SPATS1: variants seen among roughly 807,000 people sequenced by gnomAD.
SPATS1 encodes spermatogenesis associated serine rich 1.
A neutral mutation model predicts 33.6 loss-of-function variants in SPATS1; 23 were observed. The ratio of observed to expected loss-of-function variants is 0.68; its 90% CI spans 0.49 to 0.97. The LOEUF is 0.97. SPATS1 is among the 50% of genes least tolerant of loss of function. The pLI, the probability that SPATS1 is intolerant of heterozygous loss-of-function variation, is 0.00. For synonymous variants in SPATS1, 131 were observed against 125.6 expected, an observed-to-expected ratio of 1.04 and a Z score of -0.29; for missense variants, 327 against 361.0, an observed-to-expected ratio of 0.91 and a Z score of 0.76.
chr6:44,369,088 G>A (rs1290383511), intron 6 of SPATS1, among the ~76,000 whole-genome samples: 4 of 151,886 alleles, frequency 2.6e-5, no homozygotes, highest in Non-Finnish European at 5.9e-5. Flanking sequence ...AGTAGAGACG[G>A]GGTTTCACCA....
chr6:44,342,734 T>G lies in SPATS1; in HGVS notation c.-35T>G, dbSNP rs1485279858. On this transcript the variant is annotated 5_prime_UTR_variant, in exon 1 of 9. Transcript: ENST00000674044. ...GGTTCTCAGGCCTCGGCGTGCGGCG[T>G]GCGTTCGGCAGTTCAGTTGCCAGTT... The G allele has an allele frequency of 2.1e-6, 1 of 467,198 alleles. No homozygotes were observed. Among genetic ancestry groups the G allele is most frequent in the African/African-American group, 2.0e-5 (1 of 50,550 alleles). The allele number at this position is 467,198 out of a possible 1,614,324, so 28.9% of individuals were successfully genotyped here.
chr6:44,354,122 C>A lies in SPATS1; in HGVS notation c.287+1249C>A, dbSNP rs566052237. On this transcript the variant is annotated intron_variant, in intron 3 of 8. Transcript: ENST00000674044. ...ATCCCAGCACTTTGGGAGGTTGAGG[C>A]CAGGAGTTCGAGGCCAGCCAGGGCA... 6.6e-5 allele frequency among the ~76,000 whole-genome samples: 10 copies of A among 150,512 alleles called. 1 individual carries two copies. In the South Asian group the frequency reaches 2.1e-3, roughly 32 times the overall value.
rs1056751258 is a variant in SPATS1, at chr6:44,377,953, A to G, written c.*890A>G. On this transcript the variant is annotated 3_prime_UTR_variant, in exon 9 of 9. Transcript: ENST00000674044. ...GGAGGACAAACATTTAGACCATAGC[A>G]GTGAACTTTCATTGCTTTTGGTAAA... 2 of 152,230 alleles carry G rather than the reference A, an allele frequency of 1.3e-5. No individual in the cohort carries two copies. Among genetic ancestry groups the G allele is most frequent in the Non-Finnish European group, 2.9e-5 (2 of 68,032 alleles). 9.4% of individuals were successfully genotyped at this position (152,230 alleles called of 1,614,324 possible).
intron 7 of SPATS1, among the ~76,000 whole-genome samples, chr6:44,373,155 G>A (rs1789728586): frequency 6.6e-6 from 1 of 152,148 alleles, no homozygotes; most frequent in African/African-American, 2.4e-5. Context: ...CCAGAACTCT[G>A]CCCTGCAGCT....
At position 44,376,388 on chromosome 6, in the gene SPATS1, C is replaced by T; in HGVS notation, c.789C>T (p.Asn263=). The T allele has an allele frequency of 6.2e-7, 1 of 1,613,202 alleles. No individual in the cohort carries two copies. The highest frequency in any genetic ancestry group is 8.5e-7 in the Non-Finnish European group (1 of 1,179,730). The change falls in exon 8 of 9, where the codon AAC becomes AAT. Residue 263 remains asparagine, a synonymous_variant. Transcript: ENST00000674044. ...NLPFWVKEKA[N]SLKNEIQEVE... ...CTTTCTGGGTGAAGGAGAAGGCCAA[C>T]AGTTTGAAAAATGAGATACAAGAGG...
intron 3 of SPATS1, among the ~76,000 whole-genome samples, chr6:44,353,736 G>A (rs1246013322): frequency 2.0e-5 from 3 of 151,022 alleles, no homozygotes; most frequent in African/African-American, 7.3e-5. Context: ...GATGAAGACA[G>A]TATTGAAAAT....
intron 2 of SPATS1, among the ~76,000 whole-genome samples, chr6:44,345,685 T>C (rs950230): frequency 6.6e-6 from 1 of 152,108 alleles, no homozygotes; most frequent in Non-Finnish European, 1.5e-5. Flanking sequence ...TCACATGCAA[T>C]TATTGACATA....
chr6:44,347,407 CT>C (rs1787960659), intron 2 of SPATS1, among the ~76,000 whole-genome samples: 1 of 152,040 alleles, frequency 6.6e-6, no homozygotes, highest in African/African-American at 2.4e-5. Context: ...ACTACTCACT[CT>C]TTTTTCTTTC....
Position 44,361,481 on chromosome 6 carries a change from C to A in SPATS1, c.413-350C>A, listed in dbSNP as rs972555330. 6 of 985,306 alleles carry A rather than the reference C, an allele frequency of 6.1e-6. No individual in the cohort carries two copies. The African/African-American group carries it at 1.0e-4, about 17-fold the overall frequency. 61.0% of individuals were successfully genotyped at this position (985,306 alleles called of 1,614,324 possible). On this transcript the variant is annotated intron_variant, in intron 4 of 8. Transcript: ENST00000674044. ...TTGATGGCATTCTATTTTTCCTACA[C>A]CGTTATCAGAGTGAAGATTGTATCA...
At chr6:44,357,636 C>A (rs1788672819) in intron 3 of SPATS1, among the ~76,000 whole-genome samples, 1 of 152,196 alleles carries the variant, frequency 6.6e-6, no homozygotes, top group African/African-American at 2.4e-5. Flanking sequence ...CCCCCCTCAG[C>A]CTCCCAAAGT....
chr6:44,370,192 G>T, intron 7 of SPATS1, 79 bp downstream of exon 7: 1 of 1,355,482 alleles, frequency 7.4e-7, no homozygotes, highest in Non-Finnish European at 1.0e-6. Flanking sequence ...ATGTGGAGGA[G>T]CAGGTAGATA....
chr6:44,342,802 T>C, intron 1 of SPATS1, 34 bp downstream of exon 1: 1 of 696,960 alleles, frequency 1.4e-6, no homozygotes, highest in Admixed American at 2.2e-5. Context: ...GACCCGGGCC[T>C]CCCCTGGGGA....
chr6:44,347,089 C>CT (rs1391732686), intron 2 of SPATS1, among the ~76,000 whole-genome samples: 1 of 152,132 alleles, frequency 6.6e-6, no homozygotes, highest in African/African-American at 2.4e-5. Flanking sequence ...ATAGATGAAG[C>CT]TGGAAACCCT....
At chr6:44,348,119 C>T (rs1788013750) in intron 2 of SPATS1, among the ~76,000 whole-genome samples, 1 of 151,918 alleles carries the variant, frequency 6.6e-6, no homozygotes, top group African/African-American at 2.4e-5. Flanking sequence ...AGCGATTCTC[C>T]TGCCTCAGCC....
intron 2 of SPATS1, 86 bp downstream of exon 2, chr6:44,343,320 C>A: frequency 6.6e-7 from 1 of 1,512,004 alleles, no homozygotes; most frequent in South Asian, 1.1e-5. Context: ...TGGGGGGCAC[C>A]ATTTGAAGTT....
In SPATS1 at chr6:44,372,951, A is replaced by T. The variant is rs188992790; in HGVS notation, c.758+2838A>T. Among the ~76,000 whole-genome samples, 175 of 152,310 alleles carry T rather than the reference A, an allele frequency of 1.1e-3. 1 individual carries two copies. The highest frequency in any genetic ancestry group is 4.1e-3 in the African/African-American group (172 of 41,568). ...TGCAGAATACCTTGAGTGATCAGTG[A>T]GGAGTCTTCACTTTAGTTGGTGGGA... On this transcript the variant is annotated intron_variant, in intron 7 of 8. Transcript: ENST00000674044.
At chr6:44,368,763 T>A (rs1396364849) in intron 6 of SPATS1, among the ~76,000 whole-genome samples, 2 of 152,200 alleles carry the variant, frequency 1.3e-5, no homozygotes, top group African/African-American at 4.8e-5. Flanking sequence ...ACTTTTAAAT[T>A]TTCATACTGA....
chr6:44,353,794 T>C (rs1024011766), intron 3 of SPATS1, among the ~76,000 whole-genome samples: 2 of 151,928 alleles, frequency 1.3e-5, no homozygotes, highest in African/African-American at 2.4e-5. Context: ...TCCCAGCACT[T>C]TGGGAGGCCG....
chr6:44,371,867 C>A (rs1237923529), intron 7 of SPATS1, among the ~76,000 whole-genome samples: 1 of 151,002 alleles, frequency 6.6e-6, no homozygotes, highest in Non-Finnish European at 1.5e-5. Flanking sequence ...ATGGCGTGAA[C>A]CTGGGAGGCA....
Sources: allele counts gnomAD v4.1 joint callset (sites outside exome capture counted in the v4.1 genomes callset), GRCh38; gene constraint gnomAD v4.1.1; transcripts MANE v1.5; gene names NCBI Gene and HGNC (gene_info 2026-07-23, HGNC 2026-07-21).